The following ADK variants were observed in gnomAD, a reference collection of about 807,000 sequenced individuals.
The protein encoded by ADK is N6,N6-dimethyladenosine kinase.
ADK carries 24 observed loss-of-function variants against 44.7 expected under a neutral mutation model. That is an observed-to-expected ratio of 0.54 (90% CI 0.39 to 0.76). ADK has a LOEUF of 0.76. ADK is among the 30% of genes least tolerant of loss of function. The pLI, the probability that ADK is intolerant of heterozygous loss-of-function variation, is 0.00. For synonymous variants in ADK, 128 were observed against 142.6 expected (o/e 0.90, Z 0.73); for missense variants, 321 against 425.1 (o/e 0.76, Z 2.15).
chr10:74,513,819 C>T (rs1251183969), intron 6 of ADK, among the ~76,000 whole-genome samples: 1 of 152,114 alleles, frequency 6.6e-6, no homozygotes, highest in African/African-American at 2.4e-5. Flanking sequence ...TACTTTCTCT[C>T]AGTGTTATTT....
intron 9 of ADK, among the ~76,000 whole-genome samples, chr10:74,609,370 G>C (rs913324796): frequency 6.6e-6 from 1 of 152,144 alleles, no homozygotes; most frequent in Non-Finnish European, 1.5e-5. Flanking sequence ...TGGTGGTGTA[G>C]GTACCCGAAG....
intron 4 of ADK, among the ~76,000 whole-genome samples, chr10:74,358,755 A>G (rs939824513): frequency 1.3e-5 from 2 of 152,268 alleles, no homozygotes; most frequent in African/African-American, 2.4e-5. Context: ...TCATAAATAT[A>G]GCAACATTTT....
chr10:74,541,652 G>A (rs552509439), intron 7 of ADK, among the ~76,000 whole-genome samples: 1 of 151,272 alleles, frequency 6.6e-6, no homozygotes, highest in Non-Finnish European at 1.5e-5. Flanking sequence ...AATTCACCAG[G>A]CATGATGGCA....
intron 9 of ADK, among the ~76,000 whole-genome samples, chr10:74,640,508 C>T (rs1383965073): frequency 6.6e-6 from 1 of 152,108 alleles, no homozygotes; most frequent in Non-Finnish European, 1.5e-5. Context: ...TTTTTCAATT[C>T]TCTGGGCCTT....
intron 7 of ADK, among the ~76,000 whole-genome samples, chr10:74,538,582 T>G (rs1849531395): frequency 6.6e-6 from 1 of 152,208 alleles, no homozygotes; most frequent in African/African-American, 2.4e-5. Context: ...GACTGCTAGA[T>G]AGATCAGGAC....
chr10:74,514,195 C>G (rs1474500788), intron 6 of ADK, among the ~76,000 whole-genome samples: 1 of 152,128 alleles, frequency 6.6e-6, no homozygotes, highest in African/African-American at 2.4e-5. Flanking sequence ...TGGGGATTCC[C>G]TTATATGACT....
intron 3 of ADK, among the ~76,000 whole-genome samples, chr10:74,250,897 A>AT (rs1034333528): frequency 6.6e-6 from 1 of 151,922 alleles, no homozygotes; most frequent in African/African-American, 2.4e-5. Context: ...TGGCTGGCCA[A>AT]TTTTTTATTT....
intron 3 of ADK, among the ~76,000 whole-genome samples, chr10:74,252,014 T>C (rs1222844981): frequency 1.3e-5 from 2 of 150,128 alleles, no homozygotes; most frequent in African/African-American, 4.9e-5. Context: ...AATTAAGACC[T>C]GAACATAGGA....
At chr10:74,203,373 T>A (rs747116871) in intron 2 of ADK, among the ~76,000 whole-genome samples, 7 of 152,054 alleles carry the variant, frequency 4.6e-5, no homozygotes, top group Non-Finnish European at 1.0e-4. Flanking sequence ...TTGTTTTTTT[T>A]TTGGAGACAG....
chr10:74,342,991 C>T (rs1841636956), intron 4 of ADK, among the ~76,000 whole-genome samples: 1 of 152,102 alleles, frequency 6.6e-6, no homozygotes, highest in Non-Finnish European at 1.5e-5. Context: ...TCCTTAATTG[C>T]TGTGACTAGT....
chr10:74,561,566 G>T (rs1309267072), intron 7 of ADK, among the ~76,000 whole-genome samples: 2 of 152,174 alleles, frequency 1.3e-5, no homozygotes, highest in East Asian at 3.8e-4. Context: ...TCTAATGTAT[G>T]TGTTCCTAAT....
At chr10:74,492,524 G>A (rs1410032201) in intron 6 of ADK, among the ~76,000 whole-genome samples, 1 of 152,124 alleles carries the variant, frequency 6.6e-6, no homozygotes, top group African/African-American at 2.4e-5. Context: ...GTGACATAAA[G>A]GATGCTAACC....
chr10:74,220,605 A>G (rs953851908), intron 2 of ADK, among the ~76,000 whole-genome samples: 9 of 152,188 alleles, frequency 5.9e-5, no homozygotes, highest in African/African-American at 2.2e-4. Context: ...GATGAACATT[A>G]ATGCAAAAAT....
At chr10:74,201,684 C>A (rs59163497) in intron 2 of ADK, among the ~76,000 whole-genome samples, 7 of 51,778 alleles carry the variant, frequency 1.4e-4, no homozygotes, top group African/African-American at 3.3e-4. Context: ...ATGTATCTAT[C>A]TATCTATCTA....
chr10:74,252,536 C>A (rs1845684673), intron 3 of ADK, among the ~76,000 whole-genome samples: 1 of 152,044 alleles, frequency 6.6e-6, no homozygotes, highest in African/African-American at 2.4e-5. Context: ...TGTCACTGCA[C>A]CTAATTTAAT....
intron 4 of ADK, among the ~76,000 whole-genome samples, chr10:74,334,399 C>T (rs2131855480): frequency 6.6e-6 from 1 of 152,306 alleles, no homozygotes; most frequent in South Asian, 2.1e-4. Context: ...CAGTGCTTCT[C>T]ATTTGCTGAT....
chr10:74,549,829 T>C (rs1358219062), intron 7 of ADK, among the ~76,000 whole-genome samples: 1 of 152,214 alleles, frequency 6.6e-6, no homozygotes, highest in Admixed American at 6.5e-5. Flanking sequence ...GCGTTAATTA[T>C]TGACATGTTG....
At chr10:74,259,639 A>G (rs1020608030) in intron 3 of ADK, among the ~76,000 whole-genome samples, 7 of 151,360 alleles carry the variant, frequency 4.6e-5, no homozygotes, top group African/African-American at 1.7e-4. Context: ...TTGTATTTTT[A>G]GTAGAGACGG....
chr10:74,275,701 C>T lies in ADK; in HGVS notation c.195-38966C>T, dbSNP rs149411563. 4.9e-3 allele frequency among the ~76,000 whole-genome samples: 746 copies of T among 152,198 alleles called. 5 individuals carry two copies. Among genetic ancestry groups the T allele is most frequent in the African/African-American group, 0.017 (702 of 41,530 alleles). ...TGAGACAGAGTCTCACTCTGTCACC[C>T]AGGCTGGAGTGCAGTGGCACAATCT... On this transcript the variant is annotated intron_variant, in intron 3 of 10. Coordinates refer to ENST00000539909, the MANE Select transcript of ADK (RefSeq NM_006721.4).
Sources: gnomAD v4.1 joint callset for allele counts (sites outside exome capture counted in the v4.1 genomes callset) on GRCh38, gnomAD v4.1.1 for gene constraint, MANE v1.5 for transcripts, NCBI Gene and HGNC (gene_info 2026-07-23, HGNC 2026-07-21) for gene names.